Variants in TEX36 observed in about 807,000 individuals in gnomAD.
The protein encoded by TEX36 is testis expressed 36, also known as testis-expressed protein 36.
In TEX36, 12 loss-of-function variants were observed where a neutral mutation model predicts 13.6. The ratio of observed to expected loss-of-function variants is 0.88; its 90% CI spans 0.56 to 1.43. The LOEUF is 1.43. Among genes scored for constraint, TEX36 ranks in the 40% most tolerant of loss-of-function variants. The pLI, the probability that TEX36 is intolerant of heterozygous loss-of-function variation, is 0.00. For missense variants in TEX36, 224 were observed against 228.3 expected, an observed-to-expected ratio of 0.98 and a Z score of 0.12; for synonymous variants, 93 against 83.0, an observed-to-expected ratio of 1.12 and a Z score of -0.65.
chr10:125,656,949 C>A (rs1846955158), intron 3 of TEX36, among the ~76,000 whole-genome samples: 1 of 152,120 alleles, frequency 6.6e-6, no homozygotes, highest in Admixed American at 6.6e-5. Flanking sequence ...AGGCTGAATT[C>A]TTTCCCAACC....
At chr10:125,576,884 A>T in intron 3 of TEX36, 1 of 1,536,100 alleles carries the variant, frequency 6.5e-7, no homozygotes, top group Non-Finnish European at 8.7e-7. Context: ...CCTGTGAGGA[A>T]GAGGGAAGAT....
intron 3 of TEX36, among the ~76,000 whole-genome samples, chr10:125,582,365 A>G (rs1845893740): frequency 6.6e-6 from 1 of 152,248 alleles, no homozygotes. Context: ...GAGGAAGTTC[A>G]GGCTCTGGAA....
downstream of TEX36, among the ~76,000 whole-genome samples, chr10:125,653,645 T>C (rs1299679356): frequency 2.0e-5 from 3 of 151,828 alleles, no homozygotes; most frequent in Middle Eastern, 3.4e-3. Context: ...ATAATAATAA[T>C]AAAAATTTTT....
chr10:125,585,845 A>T (rs1429170861), intron 3 of TEX36, among the ~76,000 whole-genome samples: 1 of 152,178 alleles, frequency 6.6e-6, no homozygotes, highest in East Asian at 1.9e-4. Context: ...TAAAACTTTC[A>T]TTTAATGATT....
downstream of TEX36, chr10:125,655,644 T>C (rs1236685845): frequency 1.5e-5 from 17 of 1,165,256 alleles, no homozygotes; most frequent in South Asian, 3.7e-5. Flanking sequence ...AATTTCAAAA[T>C]GAAAATGTGA....
At chr10:125,614,399 G>T (rs1349880506) in intron 3 of TEX36, among the ~76,000 whole-genome samples, 2 of 151,924 alleles carry the variant, frequency 1.3e-5, no homozygotes, top group Admixed American at 6.6e-5. Context: ...TTCTTCTAGG[G>T]TTTTTATGGT....
intron 3 of TEX36, among the ~76,000 whole-genome samples, chr10:125,585,763 C>T (rs1204847748): frequency 6.6e-6 from 1 of 152,252 alleles, no homozygotes; most frequent in Non-Finnish European, 1.5e-5. Context: ...TTTCATCAGA[C>T]TTCGCATCAA....
chr10:125,622,013 C>T (rs1432579052), intron 3 of TEX36, among the ~76,000 whole-genome samples: 1 of 152,184 alleles, frequency 6.6e-6, no homozygotes, highest in Non-Finnish European at 1.5e-5. Context: ...TCTGGCAACA[C>T]CCTCACAAAC....
intron 3 of TEX36, among the ~76,000 whole-genome samples, chr10:125,627,358 T>C (rs1238510861): frequency 1.3e-5 from 2 of 152,186 alleles, no homozygotes; most frequent in Non-Finnish European, 2.9e-5. Flanking sequence ...CCCTATAATC[T>C]AAAGACAAAT....
chr10:125,608,792 T>C (rs1846249523), intron 3 of TEX36, among the ~76,000 whole-genome samples: 1 of 151,688 alleles, frequency 6.6e-6, no homozygotes, highest in Non-Finnish European at 1.5e-5. Context: ...ACATTATACA[T>C]AAGGATATTA....
intron 3 of TEX36, among the ~76,000 whole-genome samples, chr10:125,627,808 T>A (rs1846505708): frequency 6.6e-6 from 1 of 152,218 alleles, no homozygotes; most frequent in Non-Finnish European, 1.5e-5. Flanking sequence ...CTCTGGGAGC[T>A]GCAGACGCCA....
downstream of TEX36, among the ~76,000 whole-genome samples, chr10:125,617,508 C>T (rs530324592): frequency 6.6e-6 from 1 of 152,058 alleles, no homozygotes. Context: ...TCAGCATTTG[C>T]TTGTCTGTAA....
At chr10:125,652,290 T>C (rs1846873574), downstream of TEX36, among the ~76,000 whole-genome samples, 1 of 152,208 alleles carries the variant, frequency 6.6e-6, no homozygotes, top group East Asian at 1.9e-4. Flanking sequence ...AAAACAGAGA[T>C]ATAGACCAAT....
At chr10:125,599,240 A>G (rs1044286354) in intron 3 of TEX36, among the ~76,000 whole-genome samples, 2 of 152,220 alleles carry the variant, frequency 1.3e-5, no homozygotes, top group African/African-American at 4.8e-5. Context: ...AGAAGTCCAC[A>G]TTGTTGCCCT....
intron 3 of TEX36, among the ~76,000 whole-genome samples, chr10:125,626,020 G>A (rs922045959): frequency 3.3e-5 from 5 of 152,220 alleles, no homozygotes; most frequent in Non-Finnish European, 7.3e-5. Flanking sequence ...GACCACGGCT[G>A]CAGAGAACGA....
At chr10:125,665,206 CT>C (rs1232708735) in intron 1 of TEX36, among the ~76,000 whole-genome samples, 3 of 152,112 alleles carry the variant, frequency 2.0e-5, no homozygotes, top group African/African-American at 7.2e-5. Flanking sequence ...TCTGTTTACT[CT>C]TTTGATTGTT....
At chr10:125,589,047 CT>C (rs1845991960) in intron 3 of TEX36, among the ~76,000 whole-genome samples, 1 of 152,246 alleles carries the variant, frequency 6.6e-6, no homozygotes. Flanking sequence ...CTGGGGGTAC[CT>C]TTCAACATGA....
intron 3 of TEX36, among the ~76,000 whole-genome samples, chr10:125,612,256 G>A (rs1238004012): frequency 2.2e-5 from 3 of 138,594 alleles, no homozygotes; most frequent in African/African-American, 7.8e-5. Flanking sequence ...GCTAATTTTT[G>A]TATTTTTAGT....
downstream of TEX36, among the ~76,000 whole-genome samples, chr10:125,653,316 G>A (rs1457939759): frequency 6.6e-6 from 1 of 152,132 alleles, no homozygotes; most frequent in Non-Finnish European, 1.5e-5. Flanking sequence ...CATAAAAAAG[G>A]ATGAGTTCAT....
Sources: allele counts gnomAD v4.1 joint callset (sites outside exome capture counted in the v4.1 genomes callset), GRCh38; gene constraint gnomAD v4.1.1; transcripts MANE v1.5; gene names NCBI Gene and HGNC (gene_info 2026-07-23, HGNC 2026-07-21).